The following CAMK2D variants were observed in gnomAD, a reference collection of about 807,000 sequenced individuals.
CAMK2D encodes calcium/calmodulin dependent protein kinase II delta.
Under a neutral mutation model 84.0 loss-of-function variants are expected in CAMK2D, and 37 were observed. The ratio of observed to expected loss-of-function variants is 0.44; its 90% CI spans 0.34 to 0.58. The LOEUF (loss-of-function observed/expected upper bound fraction) is 0.58, where lower values mean the gene tolerates loss of function less well. Among genes scored for constraint, CAMK2D ranks in the 20% least tolerant of loss-of-function variants. The pLI, the probability that CAMK2D is intolerant of heterozygous loss-of-function variation, is 0.02. For missense variants in CAMK2D, 448 were observed against 652.5 expected, an observed-to-expected ratio of 0.69 and a Z score of 3.41; for synonymous variants, 202 against 212.5, an observed-to-expected ratio of 0.95 and a Z score of 0.43.
intron 6 of CAMK2D, among the ~76,000 whole-genome samples, chr4:113,540,570 C>A (rs2098523955): frequency 6.6e-6 from 1 of 152,100 alleles, no homozygotes; most frequent in African/African-American, 2.4e-5. Context: ...CTCACAAATG[C>A]CTGGAGCTAA....
chr4:113,600,478 T>C (rs1031386250), intron 4 of CAMK2D, among the ~76,000 whole-genome samples: 18 of 152,256 alleles, frequency 1.2e-4, no homozygotes, highest in African/African-American at 3.9e-4. Context: ...AAATATAAAG[T>C]TTATTAGAAG....
At chr4:113,751,244 G>A (rs2149061822) in intron 2 of CAMK2D, among the ~76,000 whole-genome samples, 1 of 152,228 alleles carries the variant, frequency 6.6e-6, no homozygotes, top group African/African-American at 2.4e-5. Flanking sequence ...ACCCTCAGCA[G>A]AAATTCAAAT....
At chr4:113,682,741 G>C (rs1386269405) in intron 2 of CAMK2D, among the ~76,000 whole-genome samples, 5 of 151,986 alleles carry the variant, frequency 3.3e-5, no homozygotes, top group Admixed American at 3.3e-4. Context: ...CTTAGCATTT[G>C]GTTCAGTAAA....
rs143854304 is a variant in CAMK2D at position 113,731,074 on chromosome 4, A to T, written c.160+28246T>A. ...TTTGTCATTCATTTCAATATTCACC[A>T]ACTGAATATTTTCAAGAAGTGCTAG... On this transcript the variant is annotated intron_variant, in intron 2 of 20. Transcript: ENST00000511664. Among the ~76,000 whole-genome samples, 235 of 152,350 alleles carry T rather than the reference A, an allele frequency of 1.5e-3. 2 individuals are homozygous for T. Among genetic ancestry groups the T allele is most frequent in the African/African-American group, 5.5e-3 (228 of 41,582 alleles).
At chr4:113,696,374 T>C (rs2099402862) in intron 2 of CAMK2D, among the ~76,000 whole-genome samples, 1 of 152,104 alleles carries the variant, frequency 6.6e-6, no homozygotes, top group Non-Finnish European at 1.5e-5. Context: ...ATCCCTGGTA[T>C]ATCACCAGGA....
chr4:113,624,029 T>C (rs1468309061), intron 3 of CAMK2D, among the ~76,000 whole-genome samples: 1 of 152,124 alleles, frequency 6.6e-6, no homozygotes, highest in Admixed American at 6.6e-5. Flanking sequence ...TGCTGCCTAC[T>C]CCAGTCCCTA....
intron 17 of CAMK2D, among the ~76,000 whole-genome samples, chr4:113,463,146 G>A (rs2097411390): frequency 6.6e-6 from 1 of 152,086 alleles, no homozygotes; most frequent in Non-Finnish European, 1.5e-5. Flanking sequence ...GTTATAAGAA[G>A]AAGCTCCTGA....
At chr4:113,707,720 G>A (rs1472728259) in intron 2 of CAMK2D, among the ~76,000 whole-genome samples, 3 of 152,156 alleles carry the variant, frequency 2.0e-5, no homozygotes, top group Admixed American at 1.3e-4. Context: ...CCAAATGATA[G>A]GGGGCAATAG....
intron 2 of CAMK2D, among the ~76,000 whole-genome samples, chr4:113,668,972 C>T (rs1385253602): frequency 2.6e-5 from 4 of 152,024 alleles, no homozygotes; most frequent in Non-Finnish European, 4.4e-5. Context: ...TATTCTCTTT[C>T]ACAGGACTGT....
chr4:113,583,857 C>T (rs935286771), intron 4 of CAMK2D, among the ~76,000 whole-genome samples: 6 of 151,868 alleles, frequency 4.0e-5, no homozygotes, highest in African/African-American at 1.2e-4. Flanking sequence ...CATTTTATTC[C>T]CATTGTGGAC....
rs968090247 is a variant in CAMK2D at position 113,554,776 on chromosome 4, G to C, written c.276-2680C>G. Among the ~76,000 whole-genome samples, 4 of 151,970 alleles carry C rather than the reference G, an allele frequency of 2.6e-5. No homozygotes were observed. In the South Asian group the frequency reaches 6.2e-4, roughly 24 times the overall value. ...TTTTTGAAAATTTTTACTGTGCTTT[G>C]TGAAATTTCATATAATGCCCAAATT... On this transcript the variant is annotated intron_variant, in intron 4 of 20. Coordinates refer to ENST00000511664, the MANE Select transcript of CAMK2D (RefSeq NM_001321571.2).
intron 3 of CAMK2D, among the ~76,000 whole-genome samples, chr4:113,656,074 A>C (rs766989422): frequency 9.9e-5 from 15 of 152,166 alleles, no homozygotes; most frequent in Non-Finnish European, 1.9e-4. Flanking sequence ...GGCTTACAAC[A>C]AATTTGTTAA....
intron 20 of CAMK2D, among the ~76,000 whole-genome samples, chr4:113,454,884 C>A (rs1024648197): frequency 6.6e-6 from 1 of 152,158 alleles, no homozygotes; most frequent in Non-Finnish European, 1.5e-5. Flanking sequence ...ACTTAAAATT[C>A]AAGTTCATCC....
At chr4:113,501,011 G>A (rs139656100) in intron 15 of CAMK2D, among the ~76,000 whole-genome samples, 399 of 152,066 alleles carry the variant, frequency 2.6e-3, no homozygotes, top group Admixed American at 6.5e-3. Context: ...GCATTTCACC[G>A]CATCATTTAA....
rs1478468495 is a variant in CAMK2D, at chr4:113,759,433, C to A, written c.66-19G>T. The stretch of plus-strand genomic sequence containing the variant: ...TGCCCCCCTGGAAACCAATAATTAG[C>A]AGGTCATTAATATAACAGATATAAT... On this transcript the variant is annotated intron_variant, in intron 1 of 20. Coordinates refer to ENST00000511664, the MANE Select transcript of CAMK2D (RefSeq NM_001321571.2). The A allele has an allele frequency of 1.7e-5, 24 of 1,431,868 alleles. No individual in the cohort carries two copies. Among genetic ancestry groups the A allele is most frequent in the Non-Finnish European group, 2.2e-5 (23 of 1,025,696 alleles). 88.7% of individuals were successfully genotyped at this position (1,431,868 alleles called of 1,614,324 possible). A position where few individuals can be genotyped will look rare whatever the true frequency, so the allele number is the denominator to read the frequency against.
At chr4:113,675,318 T>C (rs1482250369) in intron 2 of CAMK2D, among the ~76,000 whole-genome samples, 1 of 152,224 alleles carries the variant, frequency 6.6e-6, no homozygotes, top group Non-Finnish European at 1.5e-5. Context: ...CCTAGGCATA[T>C]ATATAACATA....
intron 6 of CAMK2D, among the ~76,000 whole-genome samples, chr4:113,546,329 C>T (rs1007096338): frequency 6.6e-6 from 1 of 152,132 alleles, no homozygotes; most frequent in Non-Finnish European, 1.5e-5. Flanking sequence ...TTCAAAGAAA[C>T]ACACTGCTTT....
intron 16 of CAMK2D, among the ~76,000 whole-genome samples, chr4:113,471,124 A>G (rs2097541840): frequency 6.6e-6 from 1 of 152,280 alleles, no homozygotes; most frequent in Admixed American, 6.5e-5. Context: ...TTCCTGACTT[A>G]CTCATTTTTG....
chr4:113,614,143 C>G (rs2154270271), intron 3 of CAMK2D, among the ~76,000 whole-genome samples: 1 of 152,204 alleles, frequency 6.6e-6, no homozygotes, highest in South Asian at 2.1e-4. Context: ...CTACTTCTTT[C>G]CTCCTCCATT....
Sources: gnomAD v4.1 joint callset for allele counts (sites outside exome capture counted in the v4.1 genomes callset) on GRCh38, gnomAD v4.1.1 for gene constraint, MANE v1.5 for transcripts, NCBI Gene and HGNC (gene_info 2026-07-23, HGNC 2026-07-21) for gene names.